The following GRID1 variants were observed in gnomAD, a reference collection of about 807,000 sequenced individuals.
GRID1 encodes glutamate receptor ionotropic, delta-1.
Under a neutral mutation model 98.0 loss-of-function variants are expected in GRID1, and 28 were observed. The ratio of observed to expected loss-of-function variants is 0.29; its 90% CI spans 0.21 to 0.39. The LOEUF is 0.39. GRID1 is among the 10% of genes least tolerant of loss of function. GRID1 has a pLI of 1.00. For missense variants in GRID1, 1,111 were observed against 1,340.5 expected, an observed-to-expected ratio of 0.83 and a Z score of 2.67; for synonymous variants, 553 against 538.5, an observed-to-expected ratio of 1.03 and a Z score of -0.37.
At chr10:85,812,763 A>G (rs1216530383) in intron 8 of GRID1, among the ~76,000 whole-genome samples, 3 of 148,530 alleles carry the variant, frequency 2.0e-5, no homozygotes, top group East Asian at 4.0e-4. Context: ...CCTCCCCCCA[A>G]TCTCTCTCTT....
At chr10:85,859,636 C>T (rs1843146633) in intron 6 of GRID1, among the ~76,000 whole-genome samples, 1 of 152,156 alleles carries the variant, frequency 6.6e-6, no homozygotes, top group South Asian at 2.1e-4. Flanking sequence ...TTGATCTTCC[C>T]ATGGAGCTGT....
At chr10:86,156,437 T>C (rs1434930033) in intron 3 of GRID1, among the ~76,000 whole-genome samples, 1 of 152,184 alleles carries the variant, frequency 6.6e-6, no homozygotes, top group African/African-American at 2.4e-5. Flanking sequence ...GATGGCGCTC[T>C]AGACAAAGCT....
intron 12 of GRID1, among the ~76,000 whole-genome samples, chr10:85,702,280 G>A (rs1167350758): frequency 6.6e-6 from 1 of 151,826 alleles, no homozygotes; most frequent in Non-Finnish European, 1.5e-5. Flanking sequence ...AAATATATAA[G>A]TAGAACTTAT....
At chr10:86,186,720 T>C (rs192503708) in intron 3 of GRID1, among the ~76,000 whole-genome samples, 20 of 152,354 alleles carry the variant, frequency 1.3e-4, no homozygotes, top group Middle Eastern at 3.4e-3. Context: ...AACTCAATGC[T>C]GGCATGCAGT....
chr10:85,627,383 G>A (rs1041459828), intron 13 of GRID1, among the ~76,000 whole-genome samples: 3 of 152,296 alleles, frequency 2.0e-5, no homozygotes, highest in Non-Finnish European at 2.9e-5. Context: ...TATGGTAAAC[G>A]CTAAATAAAT....
chr10:86,131,425 C>A (rs939812083), intron 4 of GRID1, among the ~76,000 whole-genome samples: 1 of 152,190 alleles, frequency 6.6e-6, no homozygotes, highest in Non-Finnish European at 1.5e-5. Context: ...TGCTAATAAG[C>A]CATAGATACT....
At chr10:86,274,394 G>A (rs1847234415) in intron 2 of GRID1, among the ~76,000 whole-genome samples, 1 of 152,178 alleles carries the variant, frequency 6.6e-6, no homozygotes, top group Admixed American at 6.5e-5. Context: ...GGCAAGGCGG[G>A]CTCTTTTTTG....
intron 8 of GRID1, among the ~76,000 whole-genome samples, chr10:85,781,816 A>C (rs546248828): frequency 3.3e-5 from 5 of 151,882 alleles, no homozygotes; most frequent in Admixed American, 6.6e-5. Context: ...AAAAAAAAAA[A>C]AACCAAAAAC....
chr10:85,842,157 A>G (rs1241194609), intron 8 of GRID1, among the ~76,000 whole-genome samples: 2 of 152,156 alleles, frequency 1.3e-5, no homozygotes, highest in Admixed American at 1.3e-4. Context: ...AAAAAGAACA[A>G]GATCATGTCC....
chr10:85,904,204 T>C (rs751492774), intron 5 of GRID1, among the ~76,000 whole-genome samples: 6 of 152,224 alleles, frequency 3.9e-5, no homozygotes, highest in Non-Finnish European at 1.5e-5. Context: ...GGATTGGATT[T>C]ACCCTCTGAC....
intron 4 of GRID1, among the ~76,000 whole-genome samples, chr10:86,054,788 A>G (rs568425853): frequency 1.9e-4 from 29 of 152,328 alleles, no homozygotes; most frequent in African/African-American, 7.0e-4. Context: ...CCCACTTCCC[A>G]GTCCTCTCTG....
rs190820065 is a variant in GRID1 at position 86,127,377 on chromosome 10, G to A, written c.726+11442C>T. Among the ~76,000 whole-genome samples the A allele has an allele frequency of 3.7e-4, 57 of 152,244 alleles. 1 individual carries two copies. The highest frequency in any genetic ancestry group is 3.1e-3 in the Admixed American group (48 of 15,288). ...AACTCTGCAGGCAGAAAGCACCCGC[G>A]GCTGTCCCTCCTTCTATCAGCCCAG... is the stretch of plus-strand genomic sequence containing the variant. On this transcript the variant is annotated intron_variant, in intron 4 of 15. Coordinates refer to ENST00000327946, the MANE Select transcript of GRID1 (RefSeq NM_017551.3).
intron 4 of GRID1, among the ~76,000 whole-genome samples, chr10:86,052,163 T>TA (rs933111369): frequency 7.9e-5 from 12 of 151,490 alleles, no homozygotes; most frequent in African/African-American, 1.7e-4. Flanking sequence ...TGCTATGGAA[T>TA]AAAAAAAAAT....
chr10:85,850,225 T>C (rs1843045501), intron 8 of GRID1, among the ~76,000 whole-genome samples: 1 of 152,106 alleles, frequency 6.6e-6, no homozygotes, highest in Admixed American at 6.5e-5. Context: ...CCTACACCAG[T>C]GCCATTAGGA....
At chr10:85,871,991 G>A (rs760378064) in intron 5 of GRID1, among the ~76,000 whole-genome samples, 3 of 152,104 alleles carry the variant, frequency 2.0e-5, no homozygotes, top group Non-Finnish European at 4.4e-5. Flanking sequence ...AGTCAAAGGT[G>A]GGGAAATTGA....
intron 4 of GRID1, among the ~76,000 whole-genome samples, chr10:86,051,518 CAA>C (rs201243866): frequency 1.5e-5 from 2 of 134,290 alleles, no homozygotes. Flanking sequence ...AGGGAAAAGG[CAA>C]AAAAAAAAAA....
intron 4 of GRID1, among the ~76,000 whole-genome samples, chr10:86,052,855 A>G (rs952312102): frequency 7.9e-5 from 12 of 152,250 alleles, no homozygotes; most frequent in Non-Finnish European, 1.6e-4. Flanking sequence ...ATGTGCACAC[A>G]TATGCAGATT....
chr10:86,159,137 G>C (rs1004435035), intron 3 of GRID1, among the ~76,000 whole-genome samples: 1 of 152,084 alleles, frequency 6.6e-6, no homozygotes. Flanking sequence ...CTCGTGATCC[G>C]CCTGCCTCGG....
intron 2 of GRID1, among the ~76,000 whole-genome samples, chr10:86,221,106 T>C (rs1212184035): frequency 6.6e-6 from 1 of 152,176 alleles, no homozygotes; most frequent in Non-Finnish European, 1.5e-5. Flanking sequence ...CCCTGGGACG[T>C]TACCATCTCA....
Sources: gnomAD v4.1 joint callset for allele counts (sites outside exome capture counted in the v4.1 genomes callset) on GRCh38, gnomAD v4.1.1 for gene constraint, MANE v1.5 for transcripts, NCBI Gene and HGNC (gene_info 2026-07-23, HGNC 2026-07-21) for gene names.